L3MBTL4: variants seen among roughly 807,000 people sequenced by gnomAD.
L3MBTL4 encodes the protein L3MBTL histone methyl-lysine binding protein 4, also known as lethal(3)malignant brain tumor-like protein 4.
Under a neutral mutation model 84.5 loss-of-function variants are expected in L3MBTL4, and 70 were observed. The ratio of observed to expected loss-of-function variants is 0.83; its 90% confidence interval spans 0.68 to 1.01. The LOEUF (loss-of-function observed/expected upper bound fraction) is 1.01, where lower values mean the gene tolerates loss of function less well. L3MBTL4 is among the 50% of genes least tolerant of loss of function. The probability of loss-of-function intolerance (pLI) is 0.00; values close to 1 mark genes in which losing one functional copy is unlikely to be tolerated. For synonymous variants in L3MBTL4, 274 were observed against 259.8 expected (o/e 1.05, Z -0.52); for missense variants, 715 against 754.8 (o/e 0.95, Z 0.62).
At chr18:6,381,388 T>C (rs2054590330) in intron 1 of L3MBTL4, among the ~76,000 whole-genome samples, 2 of 152,196 alleles carry the variant, frequency 1.3e-5, no homozygotes, top group African/African-American at 4.8e-5. Flanking sequence ...TGCTAGCTGG[T>C]TATTTTGCCC....
At chr18:6,139,766 C>T (rs1470276498) in intron 13 of L3MBTL4, among the ~76,000 whole-genome samples, 1 of 152,178 alleles carries the variant, frequency 6.6e-6, no homozygotes, top group African/African-American at 2.4e-5. Context: ...ACAGGGGTCA[C>T]ATGCCTCCAG....
chr18:5,995,712 A>G (rs1555625676), intron 16 of L3MBTL4, among the ~76,000 whole-genome samples: 1 of 152,198 alleles, frequency 6.6e-6, no homozygotes, highest in Non-Finnish European at 1.5e-5. Context: ...GTGCAGTAAA[A>G]TGACAGCAGA....
chr18:6,257,971 G>A (rs2048226468), intron 5 of L3MBTL4, among the ~76,000 whole-genome samples: 1 of 152,162 alleles, frequency 6.6e-6, no homozygotes, highest in African/African-American at 2.4e-5. Flanking sequence ...CAAAAGAGAA[G>A]AAACGTCAGC....
chr18:6,412,852 T>C (rs2056025823), intron 1 of L3MBTL4, among the ~76,000 whole-genome samples: 1 of 152,070 alleles, frequency 6.6e-6, no homozygotes, highest in South Asian at 2.1e-4. Context: ...CCTAAGATTC[T>C]TATGAGAACT....
chr18:6,186,169 T>C (rs1372375543), intron 12 of L3MBTL4, among the ~76,000 whole-genome samples: 1 of 151,860 alleles, frequency 6.6e-6, no homozygotes, highest in Non-Finnish European at 1.5e-5. Context: ...CCCACCACCA[T>C]GCCTGGCTGA....
intron 13 of L3MBTL4, among the ~76,000 whole-genome samples, chr18:6,165,473 A>G (rs997841782): frequency 6.6e-6 from 1 of 152,224 alleles, no homozygotes; most frequent in Non-Finnish European, 1.5e-5. Context: ...TCAGACTAAC[A>G]ACTGATCTCT....
chr18:6,348,337 T>C (rs1488163519), intron 1 of L3MBTL4, among the ~76,000 whole-genome samples: 1 of 151,946 alleles, frequency 6.6e-6, no homozygotes, highest in Non-Finnish European at 1.5e-5. Flanking sequence ...CAAATCTAGA[T>C]GGCTTGCACT....
At position 6,322,217 on chromosome 18, in the gene L3MBTL4, G is replaced by C. The variant is rs1235974620; in HGVS notation, c.-90-10161C>G. ...ACAAATTTAAAAAAAAATTAGCCAG[G>C]CATGGCAGCACATGAGATGCTGAGG... On this transcript the variant is annotated intron_variant, in intron 1 of 18. Coordinates refer to ENST00000317931, the MANE Select transcript of L3MBTL4 (RefSeq NM_001330559.2). Among the ~76,000 whole-genome samples, 6 of 151,760 alleles carry C rather than the reference G, an allele frequency of 4.0e-5. No homozygotes were observed. In the East Asian group the frequency reaches 9.7e-4, roughly 25 times the overall value.
At chr18:6,076,166 A>G (rs2057849951) in intron 16 of L3MBTL4, among the ~76,000 whole-genome samples, 1 of 152,238 alleles carries the variant, frequency 6.6e-6, no homozygotes, top group Non-Finnish European at 1.5e-5. Context: ...ATGCATACAC[A>G]TATCTACCAA....
At chr18:6,199,523 C>T (rs1342540565) in intron 12 of L3MBTL4, among the ~76,000 whole-genome samples, 2 of 152,140 alleles carry the variant, frequency 1.3e-5, no homozygotes, top group African/African-American at 4.8e-5. Context: ...TGTATAGAGA[C>T]CACCAGTAGT....
chr18:5,980,013 C>T (rs1357997617), intron 16 of L3MBTL4, among the ~76,000 whole-genome samples: 1 of 152,234 alleles, frequency 6.6e-6, no homozygotes, highest in Non-Finnish European at 1.5e-5. Flanking sequence ...GAAAACAGGG[C>T]TGCTGCTCAC....
chr18:6,009,608 A>C (rs1265106371), intron 16 of L3MBTL4, among the ~76,000 whole-genome samples: 3 of 152,212 alleles, frequency 2.0e-5, no homozygotes, highest in Admixed American at 6.5e-5. Context: ...TCTGCACACA[A>C]CCTATGCACA....
intron 16 of L3MBTL4, among the ~76,000 whole-genome samples, chr18:5,983,288 A>G (rs112799196): frequency 6.6e-6 from 1 of 152,220 alleles, no homozygotes; most frequent in Non-Finnish European, 1.5e-5. Flanking sequence ...TTTCTACTTC[A>G]GGAATAGCCA....
At chr18:6,098,540 C>T (rs928838116) in intron 14 of L3MBTL4, among the ~76,000 whole-genome samples, 2 of 152,190 alleles carry the variant, frequency 1.3e-5, no homozygotes, top group Non-Finnish European at 2.9e-5. Context: ...AGCAGTATTT[C>T]GGGAAGAGTG....
At chr18:6,149,351 A>T (rs1184768593) in intron 13 of L3MBTL4, among the ~76,000 whole-genome samples, 1 of 151,906 alleles carries the variant, frequency 6.6e-6, no homozygotes, top group Admixed American at 6.6e-5. Context: ...TTCCAGTTTC[A>T]TACATGTCCC....
At chr18:6,381,970 A>G (rs1327260226) in intron 1 of L3MBTL4, among the ~76,000 whole-genome samples, 1 of 152,228 alleles carries the variant, frequency 6.6e-6, no homozygotes, top group Admixed American at 6.5e-5. Context: ...AGGTACAACA[A>G]TCAAACATGG....
intron 1 of L3MBTL4, among the ~76,000 whole-genome samples, chr18:6,371,195 A>G (rs1315331307): frequency 6.6e-6 from 1 of 152,244 alleles, no homozygotes; most frequent in African/African-American, 2.4e-5. Context: ...GCCAGTAAAA[A>G]TACTGACAAA....
At chr18:6,323,671 T>C (rs1206090771) in intron 1 of L3MBTL4, among the ~76,000 whole-genome samples, 2 of 152,002 alleles carry the variant, frequency 1.3e-5, no homozygotes, top group African/African-American at 4.8e-5. Flanking sequence ...TAGGCTCATA[T>C]AACAGCCTAT....
At chr18:6,407,120 G>A (rs993208674) in intron 1 of L3MBTL4, among the ~76,000 whole-genome samples, 2 of 152,100 alleles carry the variant, frequency 1.3e-5, no homozygotes, top group East Asian at 1.9e-4. Context: ...CTGAAAAGAC[G>A]GACAATTATA....
Sources: allele counts gnomAD v4.1 joint callset (sites outside exome capture counted in the v4.1 genomes callset), GRCh38; gene constraint gnomAD v4.1.1; transcripts MANE v1.5; gene names NCBI Gene and HGNC (gene_info 2026-07-23, HGNC 2026-07-21).